LDHD: variants seen among roughly 807,000 people sequenced by gnomAD.
LDHD encodes the protein lactate dehydrogenase D, also known as D-lactate dehydrogenase, mitochondrial.
In LDHD, 58 loss-of-function variants were observed where a neutral mutation model predicts 52.9. The observed-to-expected ratio is 1.10, with a 90% confidence interval of 0.89 to 1.36. LDHD has a LOEUF of 1.36. Ranked by LOEUF, LDHD falls within the 40% of genes most tolerant of loss-of-function variation. LDHD has a pLI of 0.00. For synonymous variants in LDHD, 350 were observed against 288.6 expected (o/e 1.21, Z -2.16); for missense variants, 747 against 668.0 (o/e 1.12, Z -1.30).
Position 75,112,642 on chromosome 16 carries a change from C to A in LDHD, c.1249G>T (p.Glu417Ter). The A allele has an allele frequency of 6.2e-7, 1 of 1,614,172 alleles. No individual in the cohort carries two copies. Among genetic ancestry groups the A allele is most frequent in the Non-Finnish European group, 8.5e-7 (1 of 1,180,038 alleles). Residue 417 changes from glutamate (E) to a stop codon, truncating the protein, a stop_gained, in exon 10 of 11, where the codon GAA becomes TAA. Coordinates refer to ENST00000450168, the MANE Select transcript of LDHD (RefSeq NM_194436.3). LOFTEE classifies it high-confidence loss of function. The part of the protein sequence containing the change: ...ILLVNPDDAE[E>*]LGRVKAFAEQ... Reference sequence around the variant, plus strand: ...GCAAAAGCCTTGACCCTGCCCAGTTCCTCGGCGTCATCAGGGTTGACCAGC... The same window carrying A: ...GCAAAAGCCTTGACCCTGCCCAGTTACTCGGCGTCATCAGGGTTGACCAGC...
At chr16:75,112,746 C>T (rs200490505) in intron 9 of LDHD, 33 bp from the exon 10 acceptor site, 36 of 1,602,668 alleles carry the variant, frequency 2.2e-5, no homozygotes, top group Non-Finnish European at 2.9e-5. Flanking sequence ...TATTCTCCAG[C>T]CCAGTCCTCC....
At chr16:75,113,436 T>C (rs2036454178) in intron 8 of LDHD, 99 bp downstream of exon 8, 5 of 1,422,220 alleles carry the variant, frequency 3.5e-6, no homozygotes, top group Middle Eastern at 2.6e-4. Flanking sequence ...GCCCCGTTGT[T>C]GAGGCTCAGC....
At position 75,112,392 on chromosome 16, in the gene LDHD, G is replaced by A. The variant is rs373297932; in HGVS notation, c.1419C>T (p.Asp473=). Residue 473 remains aspartate, a synonymous_variant, in exon 11 of 11, where the codon GAC becomes GAT. Coordinates refer to ENST00000450168, the MANE Select transcript of LDHD (RefSeq NM_194436.3). ...TGCCTGGATTCATGAGGCCTTGGGGGTCTAGCACGGCCTTGAGCTGCCGCA... is the reference window on the plus strand; with the variant it reads ...TGCCTGGATTCATGAGGCCTTGGGGATCTAGCACGGCCTTGAGCTGCCGCA... ...ETMRQLKAVL[D]PQGLMNPGKV... is the part of the protein sequence containing the mutation. 7.4e-6 allele frequency: 12 copies of A among 1,613,324 alleles called. No individual in the cohort carries two copies. Among genetic ancestry groups the A allele is most frequent in the Non-Finnish European group, 1.0e-5 (12 of 1,179,990 alleles).
chr16:75,114,977 G>C lies in LDHD; in HGVS notation c.328-9C>G. 4 of 1,606,952 alleles carry C rather than the reference G, an allele frequency of 2.5e-6. No homozygotes were observed. The highest frequency in any genetic ancestry group is 3.4e-6 in the Non-Finnish European group (4 of 1,176,704). On this transcript the variant is annotated splice_polypyrimidine_tract_variant and intron_variant, in intron 3 of 10. Coordinates refer to ENST00000450168, the MANE Select transcript of LDHD (RefSeq NM_194436.3). ...TTAACGCAGACGCCGCCCTGGTTGGGGCAGGTGCTAAGACCACTGCAGACC... is the reference window on the plus strand; with the variant it reads ...TTAACGCAGACGCCGCCCTGGTTGGCGCAGGTGCTAAGACCACTGCAGACC...
chr16:75,115,628 C>T lies in LDHD; in HGVS notation c.105G>A (p.Leu35=), dbSNP rs1432258619. The T allele has an allele frequency of 1.2e-6, 2 of 1,612,060 alleles. No individual in the cohort carries two copies. The highest frequency in any genetic ancestry group is 2.2e-5 in the South Asian group (2 of 90,940). Residue 35 remains leucine (L), a synonymous_variant, in exon 2 of 11, where the codon CTG becomes CTA. Transcript: ENST00000450168. Reference sequence around the variant, plus strand: ...CGTGGGAGCCGCCCACCACGGCCTTCAGAGCCTCTACGAAGTCCCTGCAGA... The same window carrying T: ...CGTGGGAGCCGCCCACCACGGCCTTTAGAGCCTCTACGAAGTCCCTGCAGA... ...GELCRDFVEA[L]KAVVGGSHVS...
At position 75,113,589 on chromosome 16, in the gene LDHD, C is replaced by T; in HGVS notation, c.1032G>A (p.Trp344Ter). 6.2e-7 allele frequency: 1 copy of T among 1,613,208 alleles called. No homozygotes were observed. The highest frequency in any genetic ancestry group is 1.1e-5 in the South Asian group (1 of 91,088). The change falls in exon 8 of 11, where the codon TGG becomes TGA. Residue 344 changes from tryptophan to a stop codon, truncating the protein, a stop_gained. Coordinates refer to ENST00000450168, the MANE Select transcript of LDHD (RefSeq NM_194436.3). LOFTEE classifies it high-confidence loss of function. The part of the protein sequence containing the change: ...AKEAEERSRL[W>*]TARHNAWYAA... Reference sequence around the variant, plus strand: ...CGTACCAGGCATTGTGCCGTGCTGTCCAAAGCCGGCTGCGCTCCTCGGCCT... The same window carrying T: ...CGTACCAGGCATTGTGCCGTGCTGTTCAAAGCCGGCTGCGCTCCTCGGCCT...
rs11644820 is a variant in LDHD at position 75,114,166 on chromosome 16, C to T, written c.630-1G>A. ...GAGGTTGTAGCCGGCTGCACTCTTC[C>T]TACGTCCCAGGGACACACAAGGTGA... On this transcript the variant is annotated splice_acceptor_variant, in intron 5 of 10. Coordinates refer to ENST00000450168, the MANE Select transcript of LDHD (RefSeq NM_194436.3). LOFTEE classifies it high-confidence loss of function. 1 of 1,612,286 alleles carries T rather than the reference C, an allele frequency of 6.2e-7. No individual in the cohort carries two copies.
chr16:75,115,811 A>T, intron 1 of LDHD, 151 bp from the exon 2 acceptor site: 1 of 565,238 alleles, frequency 1.8e-6, no homozygotes, highest in South Asian at 2.5e-5. Flanking sequence ...AGGTGGGCCC[A>T]CTTTAAACAA....
rs149382667 is a variant in LDHD at position 75,114,946 on chromosome 16, G to A, written c.350C>T (p.Thr117Met). The A allele has an allele frequency of 1.9e-6, 3 of 1,613,438 alleles. No individual in the cohort carries two copies. Among genetic ancestry groups the A allele is most frequent in the Non-Finnish European group, 2.5e-6 (3 of 1,179,782 alleles). ...AVQGGVCVNL[T>M]HMDRILELNQ... ...CAGCTCCAGGATTCGGTCCATATGC[G>A]TCAGGTTAACGCAGACGCCGCCCTG... Residue 117 changes from threonine to methionine, a missense_variant, in exon 4 of 11, where the codon ACG (threonine) becomes ATG (methionine). Thr to Met is a moderately conservative substitution (Grantham distance 81). Transcript: ENST00000450168.
chr16:75,116,254 G>C (rs1488909960), intron 1 of LDHD, among the ~76,000 whole-genome samples: 1 of 152,198 alleles, frequency 6.6e-6, no homozygotes, highest in African/African-American at 2.4e-5. Context: ...ACTCTACGTT[G>C]CCTGGGGCTT....
chr16:75,113,002 T>C (rs2036443262), intron 8 of LDHD, 78 bp from the exon 9 acceptor site: 2 of 1,049,836 alleles, frequency 1.9e-6, no homozygotes, highest in South Asian at 2.7e-5. Context: ...TGAGGATGGG[T>C]CGGAGGGCAC....
chr16:75,116,432 T>G (rs1443899007), intron 1 of LDHD, among the ~76,000 whole-genome samples: 1 of 152,206 alleles, frequency 6.6e-6, no homozygotes, highest in Non-Finnish European at 1.5e-5. Context: ...GGCATCCATT[T>G]GACTCCCCCA....
chr16:75,115,486 C>A (rs2036529531), intron 2 of LDHD, 62 bp downstream of exon 2: 1 of 1,554,944 alleles, frequency 6.4e-7, no homozygotes, highest in South Asian at 1.1e-5. Flanking sequence ...AACCCAGCAC[C>A]CTCTCTCTCA....
rs1041821332 is a variant in LDHD at position 75,114,078 on chromosome 16, C to T, written c.717G>A (p.Leu239=). The change falls in exon 6 of 11, where the codon CTG becomes CTA. Residue 239 remains leucine, a synonymous_variant. Coordinates refer to ENST00000450168, the MANE Select transcript of LDHD (RefSeq NM_194436.3). ...CCACTGTGGCCTCAGGGGCAGGGTG[C>T]AGGCGCAGGGTGGTGGCTGTGATGA... ...LGLITATTLR[L]HPAPEATVAA... is the part of the protein sequence containing the mutation. 6.2e-7 allele frequency: 1 copy of T among 1,611,296 alleles called. No homozygotes were observed. The highest frequency in any genetic ancestry group is 2.2e-5 in the East Asian group (1 of 44,876).
At position 75,112,272 on chromosome 16, in the gene LDHD, C is replaced by T; in HGVS notation, c.*84G>A. 2 of 1,471,442 alleles carry T rather than the reference C, an allele frequency of 1.4e-6. No individual in the cohort carries two copies. The highest frequency in any genetic ancestry group is 1.8e-6 in the Non-Finnish European group (2 of 1,081,232). 91.1% of individuals were successfully genotyped at this position (1,471,442 alleles called of 1,614,324 possible). A position where few individuals can be genotyped will look rare whatever the true frequency, so the allele number is the denominator to read the frequency against. On this transcript the variant is annotated 3_prime_UTR_variant, in exon 11 of 11. Coordinates refer to ENST00000450168, the MANE Select transcript of LDHD (RefSeq NM_194436.3). Reference sequence around the variant, plus strand: ...AGGAAGACTGCCTCAGCATCTATTTCCTTGCAGGGGCCGTGGCATGAAGAA... The same window carrying T: ...AGGAAGACTGCCTCAGCATCTATTTTCTTGCAGGGGCCGTGGCATGAAGAA...
chr16:75,114,208 T>G, intron 5 of LDHD, 43 bp from the exon 6 acceptor site: 1 of 1,604,234 alleles, frequency 6.2e-7, no homozygotes, highest in Non-Finnish European at 8.5e-7. Flanking sequence ...GGCTGTGTGA[T>G]GAGGGATTTC....
chr16:75,115,176 G>T (rs1261570397), intron 3 of LDHD, 22 bp downstream of exon 3: 14 of 1,604,724 alleles, frequency 8.7e-6, no homozygotes, highest in East Asian at 4.5e-5. Context: ...TCCTCGGGCC[G>T]GGCGAGGGAG....
chr16:75,114,653 C>T lies in LDHD; in HGVS notation c.502G>A (p.Ala168Thr). 6.5e-7 allele frequency: 1 copy of T among 1,531,786 alleles called. No homozygotes were observed. Among genetic ancestry groups the T allele is most frequent in the Non-Finnish European group, 8.8e-7 (1 of 1,140,590 alleles). The allele number at this position is 1,531,786 out of a possible 1,614,324, so 94.9% of individuals were successfully genotyped here. A position where few individuals can be genotyped will look rare whatever the true frequency, so the allele number is the denominator to read the frequency against. The part of the protein sequence containing the change: ...PGADASLCGM[A>T]ATGASGTNAV... Reference sequence around the variant, plus strand: ...TTGGTCCCCGACGCCCCGGTGGCCGCCATGCCACAGAGAGAGGCGTCCGCG... The same window carrying T: ...TTGGTCCCCGACGCCCCGGTGGCCGTCATGCCACAGAGAGAGGCGTCCGCG... Residue 168 changes from alanine to threonine, a missense_variant, in exon 5 of 11, where the codon GCG becomes ACG. By Grantham distance (58) the Ala-to-Thr change is moderately conservative. Coordinates refer to ENST00000450168, the MANE Select transcript of LDHD (RefSeq NM_194436.3).
At position 75,116,669 on chromosome 16, in the gene LDHD, A is replaced by T. The variant is rs1295289733; in HGVS notation, c.52T>A (p.Tyr18Asn). ...GGTACCTTTGCCTTCTGGGAGCAGT[A>T]GCCCCTCCAGGGGAACAGCTCCCAG... ...ATWELFPWRG[Y>N]CSQKAKGELC... Residue 18 changes from tyrosine (Y) to asparagine (N), a missense_variant, in exon 1 of 11, where the codon TAC (tyrosine) becomes AAC (asparagine). Physicochemically the swap from Tyr to Asn is moderately radical, Grantham distance 143. Transcript: ENST00000450168. 1 of 1,603,658 alleles carries T rather than the reference A, an allele frequency of 6.2e-7. No homozygotes were observed. The highest frequency in any genetic ancestry group is 2.3e-5 in the East Asian group (1 of 43,890).
Sources: allele counts gnomAD v4.1 joint callset (sites outside exome capture counted in the v4.1 genomes callset), GRCh38; gene constraint gnomAD v4.1.1; transcripts MANE v1.5; gene names NCBI Gene and HGNC (gene_info 2026-07-23, HGNC 2026-07-21).